Variants in JAKMIP2 observed in about 807,000 individuals in gnomAD.
JAKMIP2 encodes the protein janus kinase and microtubule-interacting protein 2.
Under a neutral mutation model 115.0 loss-of-function variants are expected in JAKMIP2, and 25 were observed. The observed-to-expected ratio is 0.22, with a 90% CI of 0.16 to 0.30. JAKMIP2 has a LOEUF of 0.30. JAKMIP2 is among the 10% of genes least tolerant of loss of function. The pLI, the probability that JAKMIP2 is intolerant of heterozygous loss-of-function variation, is 1.00. For synonymous variants in JAKMIP2, 334 were observed against 343.6 expected (o/e 0.97, Z 0.31); for missense variants, 642 against 957.6 (o/e 0.67, Z 4.35).
At chr5:147,595,238 GT>G (rs1749514288) in intron 21 of JAKMIP2, among the ~76,000 whole-genome samples, 2 of 152,156 alleles carry the variant, frequency 1.3e-5, no homozygotes, top group African/African-American at 4.8e-5. Context: ...TATTTTGAAT[GT>G]TTTTGTCCCC....
intron 1 of JAKMIP2, among the ~76,000 whole-genome samples, chr5:147,774,765 G>T (rs1310878584): frequency 1.3e-5 from 2 of 152,054 alleles, no homozygotes; most frequent in African/African-American, 4.8e-5. Context: ...AGAAATGCGG[G>T]TAAAAAACAA....
chr5:147,635,893 C>CA (rs1262568405), intron 12 of JAKMIP2, among the ~76,000 whole-genome samples: 2 of 152,150 alleles, frequency 1.3e-5, no homozygotes, highest in African/African-American at 4.8e-5. Flanking sequence ...TAAACAACTA[C>CA]ACAGGATGTG....
intron 1 of JAKMIP2, among the ~76,000 whole-genome samples, chr5:147,699,124 AT>A (rs1287150050): frequency 2.6e-5 from 4 of 152,254 alleles, no homozygotes; most frequent in African/African-American, 7.2e-5. Context: ...CCCATCTATT[AT>A]TACATACAGT....
chr5:147,604,800 T>TTTTTTATTATTA (rs1160553046), intron 20 of JAKMIP2, among the ~76,000 whole-genome samples: 22 of 143,548 alleles, frequency 1.5e-4, no homozygotes, highest in African/African-American at 5.2e-4. Context: ...GGCCAGACAT[T>TTTTTTATTATTA]TTATTATTAT....
chr5:147,735,556 C>T (rs557069485), intron 1 of JAKMIP2, among the ~76,000 whole-genome samples: 1 of 152,236 alleles, frequency 6.6e-6, no homozygotes, highest in African/African-American at 2.4e-5. Context: ...AAAGGAACTG[C>T]CCCCATGAGT....
chr5:147,586,478 G>A lies in JAKMIP2; in HGVS notation c.*5229C>T, dbSNP rs1161476690. On this transcript the variant is annotated 3_prime_UTR_variant, in exon 22 of 22. Transcript: ENST00000616793. The stretch of plus-strand genomic sequence containing the variant: ...AATTGCATCATCCACTCTTTAGTAA[G>A]TTCGTGGGATCTTGATTGTGGGCAA... The A allele has an allele frequency of 6.6e-6, 1 of 151,992 alleles. No homozygotes were observed. The highest frequency in any genetic ancestry group is 2.4e-5 in the African/African-American group (1 of 41,384). The allele number at this position is 151,992 out of a possible 1,614,324, so 9.4% of individuals were successfully genotyped here. A position where few individuals can be genotyped will look rare whatever the true frequency, so the allele number is the denominator to read the frequency against.
At chr5:147,631,989 T>A (rs1319011745) in intron 13 of JAKMIP2, among the ~76,000 whole-genome samples, 1 of 152,178 alleles carries the variant, frequency 6.6e-6, no homozygotes. Flanking sequence ...AAGAACTAAC[T>A]GGCAAAATAA....
chr5:147,772,823 C>T (rs952472517), intron 1 of JAKMIP2, among the ~76,000 whole-genome samples: 1 of 151,990 alleles, frequency 6.6e-6, no homozygotes, highest in Non-Finnish European at 1.5e-5. Context: ...TTTAACCTAT[C>T]AAAGCTTCAT....
chr5:147,771,327 A>G (rs2127075154), intron 1 of JAKMIP2, among the ~76,000 whole-genome samples: 1 of 152,128 alleles, frequency 6.6e-6, no homozygotes, highest in South Asian at 2.1e-4. Context: ...GAATAGAATC[A>G]CTTTTTTCAA....
At chr5:147,713,682 C>G (rs907693544) in intron 1 of JAKMIP2, among the ~76,000 whole-genome samples, 1 of 152,100 alleles carries the variant, frequency 6.6e-6, no homozygotes, top group African/African-American at 2.4e-5. Context: ...GAGACCACAG[C>G]CAAGAACATA....
In JAKMIP2 at chr5:147,618,867, G is replaced by A. The variant is rs1007855548; in HGVS notation, c.2143-753C>T. ...TAAGTTAGAACAAAATACTGCCCCC[G>A]TTTTATTAATACATGACAAACCTCT... On this transcript the variant is annotated intron_variant, in intron 18 of 21. Coordinates refer to ENST00000616793, the MANE Select transcript of JAKMIP2 (RefSeq NM_001270941.2). 7.2e-5 allele frequency among the ~76,000 whole-genome samples: 11 copies of A among 152,088 alleles called. 1 individual carries two copies. Among genetic ancestry groups the A allele is most frequent in the South Asian group, 4.1e-4 (2 of 4,826 alleles).
intron 1 of JAKMIP2, among the ~76,000 whole-genome samples, chr5:147,707,909 C>T (rs1265763612): frequency 6.6e-6 from 1 of 152,172 alleles, no homozygotes; most frequent in Non-Finnish European, 1.5e-5. Context: ...CAGGCTACAT[C>T]AACTTGTCTG....
intron 21 of JAKMIP2, among the ~76,000 whole-genome samples, 196 bp downstream of exon 21, chr5:147,601,545 G>A (rs1265002319): frequency 1.3e-5 from 2 of 152,124 alleles, no homozygotes; most frequent in African/African-American, 4.8e-5. Flanking sequence ...GGCTGCCAGT[G>A]AATGATCTGA....
At chr5:147,591,813 T>C in intron 21 of JAKMIP2, 127 bp from the exon 22 acceptor site, 4 of 598,052 alleles carry the variant, frequency 6.7e-6, no homozygotes. Context: ...TATGATCTTA[T>C]GCAAGTTACA....
intron 19 of JAKMIP2, among the ~76,000 whole-genome samples, chr5:147,615,334 G>A (rs1369876575): frequency 1.3e-5 from 2 of 152,156 alleles, no homozygotes; most frequent in African/African-American, 2.4e-5. Context: ...TTGGATCAAT[G>A]CAATGGAAAC....
chr5:147,619,476 G>A (rs1756746310), intron 18 of JAKMIP2, among the ~76,000 whole-genome samples: 1 of 151,786 alleles, frequency 6.6e-6, no homozygotes, highest in Admixed American at 6.6e-5. Context: ...GGGACTAAGT[G>A]CTTCACTCTT....
chr5:147,674,141 C>T (rs36119468), intron 1 of JAKMIP2, among the ~76,000 whole-genome samples: 49,621 of 151,856 alleles, frequency 0.33, 8,984 homozygotes, highest in East Asian at 0.58. Context: ...AACCTTATTC[C>T]CCCCAGGTTT....
intron 1 of JAKMIP2, among the ~76,000 whole-genome samples, chr5:147,673,029 A>G (rs946502813): frequency 1.3e-5 from 2 of 152,200 alleles, no homozygotes; most frequent in African/African-American, 4.8e-5. Flanking sequence ...GTGTGCCCTA[A>G]CAGAGCAGTA....
intron 4 of JAKMIP2, 43 bp downstream of exon 4, chr5:147,650,295 A>G: frequency 6.3e-6 from 8 of 1,260,646 alleles, no homozygotes; most frequent in Non-Finnish European, 9.3e-6. Context: ...AGCTAAATAA[A>G]AGATGACTTG....
Sources: allele counts gnomAD v4.1 joint callset (sites outside exome capture counted in the v4.1 genomes callset), GRCh38; gene constraint gnomAD v4.1.1; transcripts MANE v1.5; gene names NCBI Gene and HGNC (gene_info 2026-07-23, HGNC 2026-07-21).